BMPR1B: variants seen among roughly 807,000 people sequenced by gnomAD.
BMPR1B encodes bone morphogenetic protein receptor type 1B, also known as bone morphogenetic protein receptor type-1B.
A neutral mutation model predicts 59.1 loss-of-function variants in BMPR1B; 12 were observed. That is an observed-to-expected ratio of 0.20 (90% CI 0.13 to 0.33). The LOEUF (loss-of-function observed/expected upper bound fraction) is 0.33, where lower values mean the gene tolerates loss of function less well. Ranked by LOEUF, BMPR1B falls within the 10% of genes least tolerant of loss-of-function variation. The pLI, the probability that BMPR1B is intolerant of heterozygous loss-of-function variation, is 1.00. For synonymous variants in BMPR1B, 237 were observed against 207.3 expected (o/e 1.14, Z -1.23); for missense variants, 550 against 610.9 (o/e 0.90, Z 1.05).
chr4:94,829,008 T>C (rs1724479111), intron 1 of BMPR1B, among the ~76,000 whole-genome samples: 1 of 151,188 alleles, frequency 6.6e-6, no homozygotes, highest in African/African-American at 2.4e-5. Context: ...AAAAAGATAA[T>C]GCATTCTTGC....
intron 3 of BMPR1B, among the ~76,000 whole-genome samples, chr4:95,039,328 GT>G (rs1725482165): frequency 6.6e-6 from 1 of 151,630 alleles, no homozygotes; most frequent in African/African-American, 2.4e-5. Context: ...CCATCTTAAA[GT>G]TTAGGTTTCA....
chr4:95,116,253 T>G (rs935795953), intron 6 of BMPR1B, among the ~76,000 whole-genome samples: 1 of 152,118 alleles, frequency 6.6e-6, no homozygotes, highest in African/African-American at 2.4e-5. Flanking sequence ...ATCAATATAT[T>G]GATAAAATGG....
At chr4:94,994,545 TTAAGAG>T (rs1721939063) in intron 2 of BMPR1B, among the ~76,000 whole-genome samples, 2 of 152,198 alleles carry the variant, frequency 1.3e-5, no homozygotes, top group South Asian at 4.1e-4. Flanking sequence ...TGGAAGGTCT[TTAAGAG>T]TAGGAACTAT....
chr4:95,131,632 C>T (rs1312160793), intron 10 of BMPR1B, 120 bp downstream of exon 10: 8 of 1,176,072 alleles, frequency 6.8e-6, no homozygotes, highest in East Asian at 2.5e-5. Context: ...TGACATTTGA[C>T]GGGGAGAACC....
chr4:95,056,606 G>A (rs1240842973), intron 3 of BMPR1B, among the ~76,000 whole-genome samples: 8 of 152,070 alleles, frequency 5.3e-5, no homozygotes, highest in African/African-American at 1.4e-4. Context: ...TTCCACTCTC[G>A]CTGTGTGCGT....
intron 1 of BMPR1B, among the ~76,000 whole-genome samples, chr4:94,794,610 A>G (rs1723114440): frequency 7.0e-6 from 1 of 143,684 alleles, no homozygotes; most frequent in African/African-American, 2.7e-5. Flanking sequence ...TACCTTGGGC[A>G]GTATGGCCAC....
At chr4:94,993,271 T>G (rs1451705250) in intron 2 of BMPR1B, among the ~76,000 whole-genome samples, 1 of 152,108 alleles carries the variant, frequency 6.6e-6, no homozygotes, top group Non-Finnish European at 1.5e-5. Context: ...AGTGTCTAGA[T>G]TATCCACTTC....
At chr4:94,926,145 CT>C (rs909524799) in intron 2 of BMPR1B, among the ~76,000 whole-genome samples, 2 of 146,436 alleles carry the variant, frequency 1.4e-5, no homozygotes, top group Non-Finnish European at 3.0e-5. Flanking sequence ...CCTTTTCTTC[CT>C]TTCTTTGAAA....
At chr4:94,858,677 A>G (rs537479020) in intron 1 of BMPR1B, among the ~76,000 whole-genome samples, 1 of 152,210 alleles carries the variant, frequency 6.6e-6, no homozygotes, top group East Asian at 1.9e-4. Flanking sequence ...AAGTTTGAAT[A>G]CAACTCTTGT....
intron 2 of BMPR1B, among the ~76,000 whole-genome samples, chr4:94,937,978 A>G (rs2149041023): frequency 6.6e-6 from 1 of 152,330 alleles, no homozygotes; most frequent in South Asian, 2.1e-4. Flanking sequence ...GGTTTAGTGT[A>G]AAGGCAGATG....
intron 3 of BMPR1B, among the ~76,000 whole-genome samples, chr4:95,080,012 T>C (rs568728999): frequency 2.4e-4 from 36 of 152,274 alleles, no homozygotes; most frequent in African/African-American, 8.4e-4. Flanking sequence ...AGGTGCTAGG[T>C]TAAAAAATGA....
chr4:94,915,920 A>C (rs1482250724), intron 2 of BMPR1B, among the ~76,000 whole-genome samples: 3 of 152,086 alleles, frequency 2.0e-5, no homozygotes, highest in African/African-American at 7.2e-5. Flanking sequence ...AGTGCTCGGG[A>C]GATCTGGTCA....
intron 1 of BMPR1B, among the ~76,000 whole-genome samples, chr4:94,812,888 G>A (rs13123698): frequency 0.083 from 12,608 of 152,096 alleles, 602 homozygotes; most frequent in African/African-American, 0.14. Context: ...TTTATAGACC[G>A]CATCATTTAC....
At chr4:94,779,359 T>C (rs569379794) in intron 1 of BMPR1B, among the ~76,000 whole-genome samples, 8 of 152,204 alleles carry the variant, frequency 5.3e-5, no homozygotes, top group Non-Finnish European at 7.4e-5. Flanking sequence ...CTTTTAAATT[T>C]TGCTCCATAG....
At chr4:95,066,442 G>T (rs1485366029) in intron 3 of BMPR1B, among the ~76,000 whole-genome samples, 1 of 152,180 alleles carries the variant, frequency 6.6e-6, no homozygotes, top group East Asian at 1.9e-4. Flanking sequence ...AACATATGAT[G>T]GCAAAGATGA....
chr4:94,895,680 T>TA (rs900164817), intron 2 of BMPR1B, among the ~76,000 whole-genome samples: 40 of 149,738 alleles, frequency 2.7e-4, no homozygotes, highest in African/African-American at 8.6e-4. Context: ...TTTTTTTTTT[T>TA]AAAAATAGGC....
chr4:94,763,520 G>C (rs1721857092), intron 1 of BMPR1B, among the ~76,000 whole-genome samples: 1 of 152,134 alleles, frequency 6.6e-6, no homozygotes. Context: ...TAAGTAGCAA[G>C]TTTGGAAATG....
chr4:94,968,587 T>A (rs2149073998), intron 2 of BMPR1B, among the ~76,000 whole-genome samples: 1 of 152,304 alleles, frequency 6.6e-6, no homozygotes, highest in Admixed American at 6.5e-5. Flanking sequence ...GAGTTTATAC[T>A]TCTTAATTTA....
chr4:95,127,332 A>T (rs564538171), intron 8 of BMPR1B, among the ~76,000 whole-genome samples: 2 of 152,282 alleles, frequency 1.3e-5, no homozygotes, highest in African/African-American at 2.4e-5. Context: ...CAGTTAAAAA[A>T]TTTTGAAGTT....
Sources: allele counts gnomAD v4.1 joint callset (sites outside exome capture counted in the v4.1 genomes callset), GRCh38; gene constraint gnomAD v4.1.1; transcripts MANE v1.5; gene names NCBI Gene and HGNC (gene_info 2026-07-23, HGNC 2026-07-21).